The following TCERG1L variants were observed in gnomAD, a reference collection of about 807,000 sequenced individuals.
TCERG1L encodes transcription elongation regulator 1 like.
Under a neutral mutation model 56.3 loss-of-function variants are expected in TCERG1L, and 37 were observed. That is an observed-to-expected ratio of 0.66 (90% CI 0.51 to 0.87). TCERG1L has a LOEUF of 0.87. Ranked by LOEUF, TCERG1L falls within the 40% of genes least tolerant of loss-of-function variation. The probability of loss-of-function intolerance (pLI) is 0.00; values close to 1 mark genes in which losing one functional copy is unlikely to be tolerated. For missense variants in TCERG1L, 799 were observed against 774.2 expected (o/e 1.03, Z -0.38); for synonymous variants, 324 against 326.3 (o/e 0.99, Z 0.08).
chr10:131,302,161 A>G (rs1836681649), intron 3 of TCERG1L, among the ~76,000 whole-genome samples: 1 of 151,988 alleles, frequency 6.6e-6, no homozygotes, highest in Admixed American at 6.5e-5. Context: ...ATAATTCTCT[A>G]AACTTTTCCC....
intron 8 of TCERG1L, among the ~76,000 whole-genome samples, chr10:131,133,929 T>A (rs773446727): frequency 6.6e-6 from 1 of 152,214 alleles, no homozygotes; most frequent in South Asian, 2.1e-4. Context: ...AAGCCTCATC[T>A]TATACATGAG....
chr10:131,097,813 C>G (rs1409170202), intron 11 of TCERG1L, among the ~76,000 whole-genome samples: 1 of 152,168 alleles, frequency 6.6e-6, no homozygotes, highest in African/African-American at 2.4e-5. Context: ...ACCTAGTTAA[C>G]TCAGTTCACT....
At chr10:131,303,203 C>T (rs1846784989) in intron 3 of TCERG1L, among the ~76,000 whole-genome samples, 1 of 152,114 alleles carries the variant, frequency 6.6e-6, no homozygotes, top group African/African-American at 2.4e-5. Context: ...AATCACCATA[C>T]TGTCTTCCAC....
chr10:131,196,091 G>A (rs1845360327), intron 4 of TCERG1L, among the ~76,000 whole-genome samples: 1 of 152,224 alleles, frequency 6.6e-6, no homozygotes, highest in Admixed American at 6.5e-5. Context: ...AGTTCCTTTA[G>A]GGCCCAGTAT....
intron 3 of TCERG1L, among the ~76,000 whole-genome samples, chr10:131,303,370 A>C (rs1846786902): frequency 6.6e-6 from 1 of 152,094 alleles, no homozygotes; most frequent in Non-Finnish European, 1.5e-5. Context: ...CATTTCTCTA[A>C]TGACCAGTGA....
At chr10:131,140,761 G>T (rs781719337) in intron 7 of TCERG1L, among the ~76,000 whole-genome samples, 70 of 152,194 alleles carry the variant, frequency 4.6e-4, no homozygotes, top group Non-Finnish European at 2.2e-4. Context: ...GCACCAGGAC[G>T]AGATGGAGAG....
chr10:131,136,969 G>A (rs1260691897), intron 7 of TCERG1L, among the ~76,000 whole-genome samples: 22 of 151,422 alleles, frequency 1.5e-4, no homozygotes, highest in Admixed American at 1.3e-3. Flanking sequence ...GTGAAACCTC[G>A]TTTCTACTAA....
chr10:131,163,342 A>AC, intron 5 of TCERG1L, 132 bp from the exon 6 acceptor site: 1 of 673,718 alleles, frequency 1.5e-6, no homozygotes, highest in South Asian at 2.2e-5. Flanking sequence ...TAATGACCTC[A>AC]GCACGGCAGC....
intron 3 of TCERG1L, among the ~76,000 whole-genome samples, chr10:131,300,913 T>C (rs570360404): frequency 1.3e-5 from 2 of 152,200 alleles, no homozygotes; most frequent in Admixed American, 1.3e-4. Context: ...GGGGTGGACC[T>C]GGATTTGGAT....
Position 131,111,886 on chromosome 10 carries a change from C to T in TCERG1L, c.1395+4913G>A, listed in dbSNP as rs535654470. ...CCCTTGCAGCTGCCAAATAAGACAC[C>T]GGCAGCCGAAAGGCATCTCCAGGTC... On this transcript the variant is annotated intron_variant, in intron 9 of 11. Coordinates refer to ENST00000368642, the MANE Select transcript of TCERG1L (RefSeq NM_174937.4). Among the ~76,000 whole-genome samples, 489 of 143,392 alleles carry T rather than the reference C, an allele frequency of 3.4e-3. 98 individuals carry two copies. Among genetic ancestry groups the T allele is most frequent in the Middle Eastern group, 0.014 (4 of 282 alleles). 94.1% of individuals were successfully genotyped at this position (143,392 alleles called of 152,430 possible).
rs1389587311 is a variant in TCERG1L at position 131,260,998 on chromosome 10, G to C, written c.671-554C>G. On this transcript the variant is annotated intron_variant, in intron 3 of 11. Transcript: ENST00000368642. This position sits in a 1 kb window ranked among gnomAD's most constrained non-coding sequence, Gnocchi z 5.8. ...GGCTCAGCCGGGCCCTGCAGGGAGA[G>C]GGTGGACAGGTTTCCAGAGGGCACC... 1.3e-5 allele frequency among the ~76,000 whole-genome samples: 2 copies of C among 152,102 alleles called. No individual in the cohort carries two copies. Among genetic ancestry groups the C allele is most frequent in the Non-Finnish European group, 2.9e-5 (2 of 68,010 alleles).
chr10:131,126,510 GCCAGCTCTC>G (rs1845566710), intron 8 of TCERG1L, among the ~76,000 whole-genome samples: 1 of 151,616 alleles, frequency 6.6e-6, no homozygotes, highest in Non-Finnish European at 1.5e-5. Flanking sequence ...CCGGCTCTGA[GCCAGCTCTC>G]AGCTGCGGGA....
chr10:131,204,724 G>A (rs1284178770), intron 4 of TCERG1L, among the ~76,000 whole-genome samples: 2 of 152,234 alleles, frequency 1.3e-5, no homozygotes, highest in Non-Finnish European at 2.9e-5. Flanking sequence ...TCTTGGGGCA[G>A]AAGACTCCCT....
At chr10:131,194,074 G>A (rs982229157) in intron 4 of TCERG1L, among the ~76,000 whole-genome samples, 7 of 152,010 alleles carry the variant, frequency 4.6e-5, no homozygotes, top group Admixed American at 6.5e-5. Flanking sequence ...CCCCAGCGGC[G>A]TGCCTAGGCT....
chr10:131,189,037 A>G (rs1238421965), intron 4 of TCERG1L, among the ~76,000 whole-genome samples: 1 of 152,182 alleles, frequency 6.6e-6, no homozygotes, highest in Non-Finnish European at 1.5e-5. Flanking sequence ...GCAGCATCCT[A>G]ATTTTTAATG....
At chr10:131,256,992 G>GGAAGGAAAGAAAGAAAGAAA (rs1846173015) in intron 4 of TCERG1L, among the ~76,000 whole-genome samples, 1 of 59,212 alleles carries the variant, frequency 1.7e-5, no homozygotes, top group African/African-American at 5.5e-5. Context: ...AAGGAAGGAA[G>GGAAGGAAAGAAAGAAAGAAA]GAAAGAAAGA....
intron 4 of TCERG1L, among the ~76,000 whole-genome samples, chr10:131,180,417 C>T (rs1845160508): frequency 6.6e-6 from 1 of 152,186 alleles, no homozygotes; most frequent in African/African-American, 2.4e-5. Flanking sequence ...TCATATACAA[C>T]ATATATAGGA....
In TCERG1L at chr10:131,098,288, A is replaced by G. The variant is rs1285394125; in HGVS notation, c.1604+18T>C. ...TTCCCAGCCCCAGAAATCATCCGGTATATTTCTCTCTCCATACCTGGGAGA... is the reference window on the plus strand; with the variant it reads ...TTCCCAGCCCCAGAAATCATCCGGTGTATTTCTCTCTCCATACCTGGGAGA... On this transcript the variant is annotated intron_variant, in intron 11 of 11. Transcript: ENST00000368642. The G allele has an allele frequency of 5.8e-6, 9 of 1,548,140 alleles. No individual in the cohort carries two copies. Among genetic ancestry groups the G allele is most frequent in the East Asian group, 2.4e-5 (1 of 40,956 alleles).
intron 4 of TCERG1L, among the ~76,000 whole-genome samples, chr10:131,234,403 A>G (rs1213728765): frequency 6.6e-6 from 1 of 152,224 alleles, no homozygotes; most frequent in Non-Finnish European, 1.5e-5. Flanking sequence ...AGGCACACCA[A>G]ATTCTCAAAA....
Sources: allele counts gnomAD v4.1 joint callset (sites outside exome capture counted in the v4.1 genomes callset), GRCh38; gene constraint gnomAD v4.1.1; non-coding constraint Gnocchi (gnomAD v3.1); transcripts MANE v1.5; gene names NCBI Gene and HGNC (gene_info 2026-07-23, HGNC 2026-07-21).